The following FSCN2 variants were observed in gnomAD, a reference collection of about 807,000 sequenced individuals.
FSCN2 encodes the protein fascin-2.
Under a neutral mutation model 37.8 loss-of-function variants are expected in FSCN2, and 46 were observed. That is an observed-to-expected ratio of 1.22 (90% CI 0.96 to 1.56). The LOEUF (loss-of-function observed/expected upper bound fraction) is 1.56, where lower values mean the gene tolerates loss of function less well. FSCN2 is among the 40% of genes most tolerant of loss of function. The pLI is 0.00. For missense variants in FSCN2, 844 were observed against 730.4 expected, an observed-to-expected ratio of 1.16 and a Z score of -1.79; for synonymous variants, 351 against 309.4, an observed-to-expected ratio of 1.13 and a Z score of -1.41.
Position 81,528,852 on chromosome 17 carries a change from C to A in FSCN2, c.321C>A (p.His107Gln). 6.4e-7 allele frequency: 1 copy of A among 1,556,742 alleles called. No individual in the cohort carries two copies. The highest frequency in any genetic ancestry group is 8.7e-7 in the Non-Finnish European group (1 of 1,153,636). Residue 107 changes from histidine (H) to glutamine (Q), a missense_variant, in exon 1 of 5, where the codon CAC becomes CAA. Transcript: ENST00000417245. ...DGRWVLRSEP[H>Q]GRFFGGTEDQ... is the part of the protein sequence containing the mutation. ...GCTGGGTGCTGCGGTCCGAGCCGCA[C>A]GGCCGCTTCTTCGGAGGCACCGAGG...
Position 81,528,844 on chromosome 17 carries a change from G to A in FSCN2, c.313G>A (p.Glu105Lys), listed in dbSNP as rs782670303. The change falls in exon 1 of 5, where the codon GAG becomes AAG. Residue 105 changes from glutamate to lysine, a missense_variant. By Grantham distance (56) the Glu-to-Lys change is moderately conservative. Coordinates refer to ENST00000417245, the MANE Select transcript of FSCN2 (RefSeq NM_012418.4). ...AGATGGGCGCTGGGTGCTGCGGTCC[G>A]AGCCGCACGGCCGCTTCTTCGGAGG... ...QPDGRWVLRS[E>K]PHGRFFGGTE... The A allele has an allele frequency of 1.9e-5, 29 of 1,554,984 alleles. No homozygotes were observed. In the Middle Eastern group the frequency reaches 7.1e-4, roughly 38 times the overall value.
At chr17:81,526,632 G>A (rs1017516710), upstream of FSCN2, among the ~76,000 whole-genome samples, 10 of 152,176 alleles carry the variant, frequency 6.6e-5, no homozygotes, top group African/African-American at 2.2e-4. Flanking sequence ...CAAGAAAAAA[G>A]TTTTTTAAAA....
intron 1 of FSCN2, among the ~76,000 whole-genome samples, chr17:81,532,605 G>A (rs1443330754): frequency 8.6e-4 from 121 of 141,068 alleles, no homozygotes; most frequent in Middle Eastern, 3.9e-3. Context: ...GGTGATGATG[G>A]TGATGGTGAT....
At chr17:81,529,736 G>A (rs2032488254) in intron 1 of FSCN2, 1 of 496,762 alleles carries the variant, frequency 2.0e-6, no homozygotes, top group Admixed American at 2.3e-5. Context: ...GGTGCCATGA[G>A]GGGCATGTGG....
intron 1 of FSCN2, among the ~76,000 whole-genome samples, chr17:81,533,274 C>G (rs2032756749): frequency 6.6e-6 from 1 of 152,226 alleles, no homozygotes; most frequent in African/African-American, 2.4e-5. Flanking sequence ...TGCCAACAGA[C>G]AGCATGGCAG....
the FSCN2 span, among the ~76,000 whole-genome samples, chr17:81,522,078 C>T: frequency 1.6e-4 from 25 of 152,146 alleles, no homozygotes; most frequent in African/African-American, 6.0e-4. Flanking sequence ...ACGATCTCGG[C>T]TCACTGCAAC....
rs1598568289 is a variant in FSCN2, at chr17:81,528,405, C to T, written c.-127C>T. 5 of 696,418 alleles carry T rather than the reference C, an allele frequency of 7.2e-6. No individual in the cohort carries two copies. Among genetic ancestry groups the T allele is most frequent in the Middle Eastern group, 8.1e-4 (2 of 2,480 alleles). 43.1% of individuals were successfully genotyped at this position (696,418 alleles called of 1,614,324 possible). On this transcript the variant is annotated 5_prime_UTR_variant, in exon 1 of 5. Coordinates refer to ENST00000417245, the MANE Select transcript of FSCN2 (RefSeq NM_012418.4). ...GGCGGGTCAGAGCAGGCAGGGGGTT[C>T]GTGACGCCGGCTGGGTCTGGGGGCT...
intron 3 of FSCN2, 119 bp from the exon 4 acceptor site, chr17:81,536,503 G>C: frequency 6.5e-7 from 1 of 1,541,154 alleles, no homozygotes; most frequent in Non-Finnish European, 8.7e-7. Context: ...CCGCACATGA[G>C]GCAATGGCAG....
At chr17:81,515,476 T>C in the FSCN2 span, among the ~76,000 whole-genome samples, 3 of 152,262 alleles carry the variant, frequency 2.0e-5, no homozygotes, top group Non-Finnish European at 2.9e-5. Context: ...TTTTCTTTTC[T>C]AGTTCAGTGC....
intron 1 of FSCN2, among the ~76,000 whole-genome samples, chr17:81,530,395 G>A (rs144546943): frequency 1.5e-3 from 229 of 152,304 alleles, no homozygotes; most frequent in Admixed American, 2.4e-3. Context: ...TCCCTCCACC[G>A]CCTATGGGGT....
the FSCN2 span, among the ~76,000 whole-genome samples, chr17:81,517,534 G>C: frequency 6.6e-6 from 1 of 152,182 alleles, no homozygotes; most frequent in Non-Finnish European, 1.5e-5. Context: ...AGTAAGACGT[G>C]CTCAGTGCCT....
intron 3 of FSCN2, 97 bp downstream of exon 3, chr17:81,536,364 C>A (rs372681053): frequency 1.4e-6 from 2 of 1,480,712 alleles, no homozygotes; most frequent in East Asian, 4.9e-5. Context: ...GCTGGACCCT[C>A]CCCAGCCCAC....
At chr17:81,517,694 C>G in the FSCN2 span, among the ~76,000 whole-genome samples, 1 of 152,062 alleles carries the variant, frequency 6.6e-6, no homozygotes, top group Non-Finnish European at 1.5e-5. Flanking sequence ...CTCCCAGAGC[C>G]GCACGGAGTG....
chr17:81,516,839 T>C, the FSCN2 span, among the ~76,000 whole-genome samples: 1 of 152,142 alleles, frequency 6.6e-6, no homozygotes, highest in Non-Finnish European at 1.5e-5. Flanking sequence ...GGACCAGGTC[T>C]CTGCATGTGT....
chr17:81,517,279 G>C, the FSCN2 span, among the ~76,000 whole-genome samples: 1 of 152,120 alleles, frequency 6.6e-6, no homozygotes, highest in African/African-American at 2.4e-5. Context: ...CCCTGAGCTG[G>C]GAGTCGGACA....
chr17:81,536,937 G>A lies in FSCN2; in HGVS notation c.1336G>A (p.Ala446Thr), dbSNP rs769439726. 4.5e-6 allele frequency: 7 copies of A among 1,571,982 alleles called. No individual in the cohort carries two copies. Among genetic ancestry groups the A allele is most frequent in the Admixed American group, 3.6e-5 (2 of 56,060 alleles). The change falls in exon 5 of 5, where the codon GCC becomes ACC. Residue 446 changes from alanine to threonine, a missense_variant. Physicochemically the swap from Ala to Thr is moderately conservative, Grantham distance 58. Transcript: ENST00000417245. ...CAGCGTGTGCAGCGACGGCGAACGC[G>A]CCGAGGACTTCGTCTTCGAGTTCCG... ...HGSVCSDGERAEDFVFEFRER... is the reference protein window; with the variant it reads ...HGSVCSDGERTEDFVFEFRER...
At chr17:81,524,893 TCACACACACACA>T (rs138139508), upstream of FSCN2, among the ~76,000 whole-genome samples, 8 of 122,838 alleles carry the variant, frequency 6.5e-5, no homozygotes, top group East Asian at 6.3e-4. Context: ...ATGAGCACCT[TCACACACACACA>T]CACACACACA....
chr17:81,529,415 G>A (rs1218787710), intron 1 of FSCN2, 58 bp downstream of exon 1: 4 of 1,334,744 alleles, frequency 3.0e-6, no homozygotes, highest in East Asian at 4.9e-5. Context: ...CTGCTTCAGG[G>A]AGGAGGCCGT....
chr17:81,529,251 C>G lies in FSCN2; in HGVS notation c.720C>G (p.Ala240=). 6.3e-7 allele frequency: 1 copy of G among 1,597,236 alleles called. No individual in the cohort carries two copies. Among genetic ancestry groups the G allele is most frequent in the Non-Finnish European group, 8.5e-7 (1 of 1,169,974 alleles). Reference sequence around the variant, plus strand: ...TGGGGCCCGCAGGCACCCTCAAGGCCGGCCGAAACACGCGACCTGGCAAGG... The same window carrying G: ...TGGGGCCCGCAGGCACCCTCAAGGCGGGCCGAAACACGCGACCTGGCAAGG... ...APVGPAGTLK[A]GRNTRPGKDE... The change falls in exon 1 of 5, where the codon GCC becomes GCG. Residue 240 remains alanine, a synonymous_variant. Transcript: ENST00000417245.
Sources: gnomAD v4.1 joint callset for allele counts (sites outside exome capture counted in the v4.1 genomes callset) on GRCh38, gnomAD v4.1.1 for gene constraint, MANE v1.5 for transcripts, NCBI Gene and HGNC (gene_info 2026-07-23, HGNC 2026-07-21) for gene names.